ANKRD44: variants seen among roughly 807,000 people sequenced by gnomAD.
ANKRD44 encodes the protein ankyrin repeat domain 44.
ANKRD44 carries 35 observed loss-of-function variants against 116.0 expected under a neutral mutation model. That is an observed-to-expected ratio of 0.30 (90% CI 0.23 to 0.40). The LOEUF is 0.40. ANKRD44 is among the 10% of genes least tolerant of loss of function. The probability of loss-of-function intolerance (pLI) is 1.00; values close to 1 mark genes in which losing one functional copy is unlikely to be tolerated. For synonymous variants in ANKRD44, 435 were observed against 461.8 expected (o/e 0.94, Z 0.74); for missense variants, 1,014 against 1,242.6 (o/e 0.82, Z 2.77).
intron 10 of ANKRD44, among the ~76,000 whole-genome samples, chr2:197,093,722 C>T (rs781397731): frequency 9.9e-5 from 15 of 152,258 alleles, no homozygotes; most frequent in Non-Finnish European, 1.8e-4. Flanking sequence ...AAAATTACTA[C>T]CTTATTTTAT....
At chr2:197,310,142 C>A (rs947931717) in intron 1 of ANKRD44, among the ~76,000 whole-genome samples, 1 of 152,230 alleles carries the variant, frequency 6.6e-6, no homozygotes, top group Non-Finnish European at 1.5e-5. Flanking sequence ...GGGCAGGACT[C>A]CTGCTAGGTT....
At chr2:197,229,637 C>T (rs1261441911) in intron 1 of ANKRD44, among the ~76,000 whole-genome samples, 2 of 152,330 alleles carry the variant, frequency 1.3e-5, no homozygotes, top group East Asian at 3.9e-4. Context: ...GTGCCAGGCA[C>T]TTCCCTAAAG....
At chr2:197,126,997 A>T (rs2078991911) in intron 4 of ANKRD44, among the ~76,000 whole-genome samples, 1 of 152,156 alleles carries the variant, frequency 6.6e-6, no homozygotes, top group Non-Finnish European at 1.5e-5. Context: ...CAAAAAAAAA[A>T]ATACAGTAGT....
intron 1 of ANKRD44, among the ~76,000 whole-genome samples, chr2:197,219,070 CT>C (rs1185156257): frequency 0.026 from 2,941 of 113,058 alleles, 97 homozygotes; most frequent in African/African-American, 0.088. Context: ...GCTAAAGTTC[CT>C]TTTTTTTTTT....
chr2:197,166,595 G>A (rs929568675), intron 2 of ANKRD44, among the ~76,000 whole-genome samples: 2 of 152,218 alleles, frequency 1.3e-5, no homozygotes, highest in African/African-American at 4.8e-5. Context: ...CAGAGAAGAA[G>A]AATCACTGAC....
chr2:196,995,809 A>C (rs150542674), intron 25 of ANKRD44, among the ~76,000 whole-genome samples: 10 of 152,362 alleles, frequency 6.6e-5, no homozygotes, highest in African/African-American at 2.4e-4. Flanking sequence ...TGAATCCTAT[A>C]ACATTTAGCA....
rs558708795 is a variant in ANKRD44, at chr2:197,107,964, C to CA, written c.985+2801dup. On this transcript the variant is annotated intron_variant, in intron 9 of 27. Transcript: ENST00000282272. Reference sequence around the variant, plus strand: ...ACAGTTCTCACATGTGTTATGAATGCAAAAAAATTGTCAGTTGAGATAAGA... The same window carrying CA: ...ACAGTTCTCACATGTGTTATGAATGCAAAAAAAATTGTCAGTTGAGATAAGA... Among the ~76,000 whole-genome samples, 5 of 152,210 alleles carry CA rather than the reference C, an allele frequency of 3.3e-5. No individual in the cohort carries two copies. The East Asian group carries it at 5.8e-4, about 18-fold the overall frequency.
At chr2:197,026,603 G>C (rs929167983) in intron 16 of ANKRD44, among the ~76,000 whole-genome samples, 14 of 152,192 alleles carry the variant, frequency 9.2e-5, no homozygotes, top group Admixed American at 2.0e-4. Context: ...GTGGCTGTGG[G>C]GGTGGGCATG....
intron 16 of ANKRD44, among the ~76,000 whole-genome samples, chr2:197,053,496 A>T (rs190617727): frequency 1.4e-3 from 217 of 151,072 alleles, no homozygotes; most frequent in African/African-American, 4.9e-3. Flanking sequence ...ATATCCTTCT[A>T]AAAAAAAATG....
intron 25 of ANKRD44, among the ~76,000 whole-genome samples, chr2:196,996,588 T>C (rs2076015739): frequency 2.0e-5 from 3 of 152,126 alleles, no homozygotes; most frequent in African/African-American, 7.2e-5. Context: ...TGTGACCTCG[T>C]AAGAGGGCAA....
rs1051752290 is a variant in ANKRD44 at position 197,159,096 on chromosome 2, A to T, written c.112-11991T>A. ...ATGCTCAAAGGCATCTGCTCTGGATATAACAATAACTCCTAGCTATGGGGT... is the reference window on the plus strand; with the variant it reads ...ATGCTCAAAGGCATCTGCTCTGGATTTAACAATAACTCCTAGCTATGGGGT... On this transcript the variant is annotated intron_variant, in intron 2 of 27. Coordinates refer to ENST00000282272, the MANE Select transcript of ANKRD44 (RefSeq NM_001195144.2). Among the ~76,000 whole-genome samples the T allele has an allele frequency of 2.0e-5, 3 of 152,258 alleles. No individual in the cohort carries two copies. The South Asian group carries it at 6.2e-4, about 31-fold the overall frequency.
At chr2:197,072,495 T>G (rs1249103466) in intron 16 of ANKRD44, among the ~76,000 whole-genome samples, 1 of 152,182 alleles carries the variant, frequency 6.6e-6, no homozygotes, top group African/African-American at 2.4e-5. Context: ...AAATTTTCAT[T>G]TCTTTTCTCA....
chr2:197,121,889 T>C (rs147970557), intron 7 of ANKRD44, among the ~76,000 whole-genome samples: 1 of 152,022 alleles, frequency 6.6e-6, no homozygotes, highest in East Asian at 1.9e-4. Flanking sequence ...AGTCCCACAC[T>C]CTAGGATTGG....
intron 18 of ANKRD44, among the ~76,000 whole-genome samples, chr2:197,010,979 T>C (rs985513114): frequency 1.3e-5 from 2 of 152,248 alleles, no homozygotes; most frequent in African/African-American, 4.8e-5. Flanking sequence ...AGGAATAATG[T>C]GCACATTTTG....
At chr2:197,048,995 G>A (rs898216172) in intron 16 of ANKRD44, among the ~76,000 whole-genome samples, 3 of 152,070 alleles carry the variant, frequency 2.0e-5, no homozygotes, top group Non-Finnish European at 4.4e-5. Context: ...TTGGAGAAGT[G>A]TCTGTTCATA....
intron 1 of ANKRD44, among the ~76,000 whole-genome samples, chr2:197,189,711 A>G (rs2080776496): frequency 6.6e-6 from 1 of 152,238 alleles, no homozygotes; most frequent in South Asian, 2.1e-4. Flanking sequence ...CCAGAGAACG[A>G]TAAGTAGAGG....
intron 16 of ANKRD44, among the ~76,000 whole-genome samples, chr2:197,033,893 T>C (rs2076756414): frequency 1.3e-5 from 2 of 152,284 alleles, no homozygotes; most frequent in Middle Eastern, 6.8e-3. Context: ...GAAAAGCAAT[T>C]TGCAAGTCAT....
intron 25 of ANKRD44, among the ~76,000 whole-genome samples, chr2:196,997,336 CATG>C (rs1218690552): frequency 6.6e-6 from 1 of 151,328 alleles, no homozygotes; most frequent in African/African-American, 2.4e-5. Flanking sequence ...TACCATAAAA[CATG>C]ATGTTTAAAA....
chr2:197,047,554 A>G (rs1574345743), intron 16 of ANKRD44, among the ~76,000 whole-genome samples: 1 of 152,226 alleles, frequency 6.6e-6, no homozygotes. Flanking sequence ...GAGATACTCA[A>G]TATGCTTTAT....
Sources: gnomAD v4.1 joint callset for allele counts (sites outside exome capture counted in the v4.1 genomes callset) on GRCh38, gnomAD v4.1.1 for gene constraint, MANE v1.5 for transcripts, NCBI Gene and HGNC (gene_info 2026-07-23, HGNC 2026-07-21) for gene names.